CPED1: variants seen among roughly 807,000 people sequenced by gnomAD.
CPED1 encodes the protein cadherin-like and PC-esterase domain-containing protein 1.
Under a neutral mutation model 128.2 loss-of-function variants are expected in CPED1, and 114 were observed. That is an observed-to-expected ratio of 0.89 (90% CI 0.76 to 1.04). The LOEUF is 1.04. Among genes scored for constraint, CPED1 ranks in the 50% least tolerant of loss-of-function variants. The pLI is 0.00. For missense variants in CPED1, 1,211 were observed against 1,207.1 expected, an observed-to-expected ratio of 1.00 and a Z score of -0.05; for synonymous variants, 462 against 426.7, an observed-to-expected ratio of 1.08 and a Z score of -1.02.
At chr7:121,074,509 G>GTTTTTTTTTTTTTTTTTTTTTTTTT (rs1157885862) in intron 5 of CPED1, among the ~76,000 whole-genome samples, 3 of 80,838 alleles carry the variant, frequency 3.7e-5, no homozygotes, top group African/African-American at 1.4e-4. Flanking sequence ...TTTCCTTTGT[G>GTTTTTTTTTTTTTTTTTTTTTTTTT]TTTTTTTTTT....
chr7:121,219,970 A>AC (rs1797842188), intron 16 of CPED1, among the ~76,000 whole-genome samples: 1 of 152,056 alleles, frequency 6.6e-6, no homozygotes, highest in Non-Finnish European at 1.5e-5. Flanking sequence ...ACTTAGGTAA[A>AC]CCTTGTTCAC....
intron 7 of CPED1, among the ~76,000 whole-genome samples, chr7:121,113,918 T>A (rs1757714808): frequency 6.6e-6 from 1 of 152,080 alleles, no homozygotes; most frequent in South Asian, 2.1e-4. Context: ...AACCTCCACC[T>A]CCTATGTTCA....
At chr7:121,216,910 T>C (rs1426673832) in intron 16 of CPED1, among the ~76,000 whole-genome samples, 1 of 152,104 alleles carries the variant, frequency 6.6e-6, no homozygotes, top group Admixed American at 6.5e-5. Flanking sequence ...TTTGCTCAAC[T>C]GTTACACTTT....
In CPED1 at chr7:121,124,482, C is replaced by G. The variant is rs574151683; in HGVS notation, c.1061+9C>G. 4 of 1,418,320 alleles carry G rather than the reference C, an allele frequency of 2.8e-6. No homozygotes were observed. The African/African-American group carries it at 4.4e-5, about 16-fold the overall frequency. 87.9% of individuals were successfully genotyped at this position (1,418,320 alleles called of 1,614,324 possible). On this transcript the variant is annotated intron_variant, in intron 8 of 22. Transcript: ENST00000310396. Reference sequence around the variant, plus strand: ...CCAAAGACCTTCCATAGGTAAAAAACAAATTTTAATTTAAAAAAAAAAGAA... The same window carrying G: ...CCAAAGACCTTCCATAGGTAAAAAAGAAATTTTAATTTAAAAAAAAAAGAA...
At chr7:121,113,965 A>G (rs1795174390) in intron 7 of CPED1, among the ~76,000 whole-genome samples, 1 of 152,052 alleles carries the variant, frequency 6.6e-6, no homozygotes, top group South Asian at 2.1e-4. Context: ...AGTAGCCAGG[A>G]CTATAGATGC....
chr7:121,288,250 A>T (rs1760657492), intron 22 of CPED1, among the ~76,000 whole-genome samples: 1 of 152,218 alleles, frequency 6.6e-6, no homozygotes, highest in African/African-American at 2.4e-5. Flanking sequence ...TAATGACTTA[A>T]CAAAGGGATT....
At chr7:121,051,191 A>T (rs1490555767) in intron 4 of CPED1, 6 of 512,044 alleles carry the variant, frequency 1.2e-5, no homozygotes, top group Non-Finnish European at 2.4e-5. Flanking sequence ...GGAGAGAAAG[A>T]AACCAAGTCT....
intron 22 of CPED1, among the ~76,000 whole-genome samples, chr7:121,272,745 A>C (rs2116757945): frequency 6.6e-6 from 1 of 152,206 alleles, no homozygotes; most frequent in South Asian, 2.1e-4. Flanking sequence ...CTGTAGCCAC[A>C]GTATATCATA....
At chr7:121,285,015 C>A (rs1792537731) in intron 22 of CPED1, among the ~76,000 whole-genome samples, 1 of 152,220 alleles carries the variant, frequency 6.6e-6, no homozygotes, top group Non-Finnish European at 1.5e-5. Flanking sequence ...GCCCCTGCAG[C>A]AAACTTCTGC....
chr7:121,245,970 G>T (rs1798520500), intron 18 of CPED1, among the ~76,000 whole-genome samples: 1 of 151,928 alleles, frequency 6.6e-6, no homozygotes, highest in Non-Finnish European at 1.5e-5. Flanking sequence ...TGGGATTACA[G>T]GTGTGAGCCA....
At chr7:121,153,253 C>T (rs866054682) in intron 16 of CPED1, among the ~76,000 whole-genome samples, 14 of 152,080 alleles carry the variant, frequency 9.2e-5, no homozygotes, top group Admixed American at 1.3e-4. Flanking sequence ...TTCTAAAAGA[C>T]GGTAAACTTG....
chr7:121,050,876 A>G (rs1248507773), intron 4 of CPED1: 2 of 476,744 alleles, frequency 4.2e-6, no homozygotes, highest in Non-Finnish European at 8.5e-6. Context: ...TGAGGCCTGC[A>G]GGCACCTGGC....
chr7:121,084,408 C>T (rs959864519), intron 5 of CPED1, among the ~76,000 whole-genome samples: 5 of 152,044 alleles, frequency 3.3e-5, no homozygotes, highest in Admixed American at 2.6e-4. Flanking sequence ...CACGATTACA[C>T]CATAGGGTGT....
chr7:121,015,639 T>C, intron 2 of CPED1, 26 bp from the exon 3 acceptor site: 2 of 1,579,270 alleles, frequency 1.3e-6, no homozygotes, highest in Non-Finnish European at 1.7e-6. Flanking sequence ...TTTTTTATAT[T>C]GAATTTTTAT....
chr7:121,110,887 A>T (rs1402573961), intron 7 of CPED1, among the ~76,000 whole-genome samples: 1 of 152,152 alleles, frequency 6.6e-6, no homozygotes, highest in Non-Finnish European at 1.5e-5. Context: ...TGGTGGCTTG[A>T]TCTAGGTTGG....
intron 4 of CPED1, among the ~76,000 whole-genome samples, chr7:121,059,280 A>G (rs1793587517): frequency 6.6e-6 from 1 of 152,216 alleles, no homozygotes; most frequent in African/African-American, 2.4e-5. Context: ...AAAGCATCCC[A>G]GGGAATTTTC....
chr7:121,058,802 A>G (rs1009345246), intron 4 of CPED1, among the ~76,000 whole-genome samples: 5 of 152,202 alleles, frequency 3.3e-5, no homozygotes, highest in African/African-American at 1.2e-4. Flanking sequence ...ATGAACCAAG[A>G]CTTTATTATG....
intron 5 of CPED1, among the ~76,000 whole-genome samples, chr7:121,075,810 ATCTTTT>A (rs1794110035): frequency 6.6e-6 from 1 of 152,194 alleles, no homozygotes; most frequent in Non-Finnish European, 1.5e-5. Flanking sequence ...TTCATGGCAT[ATCTTTT>A]TCTTAATTTT....
intron 7 of CPED1, among the ~76,000 whole-genome samples, chr7:121,113,179 T>A (rs914865036): frequency 3.3e-5 from 5 of 152,206 alleles, no homozygotes; most frequent in African/African-American, 1.2e-4. Flanking sequence ...CAATATTGAA[T>A]ATTTCAGTAA....
Sources: allele counts gnomAD v4.1 joint callset (sites outside exome capture counted in the v4.1 genomes callset), GRCh38; gene constraint gnomAD v4.1.1; transcripts MANE v1.5; gene names NCBI Gene and HGNC (gene_info 2026-07-23, HGNC 2026-07-21).